The following DNAH8 variants were observed in gnomAD, a reference collection of about 807,000 sequenced individuals.
The protein encoded by DNAH8 is axonemal beta dynein heavy chain 8.
A neutral mutation model predicts 562.1 loss-of-function variants in DNAH8; 382 were observed. That is an observed-to-expected ratio of 0.68 (90% CI 0.63 to 0.74). DNAH8 has a LOEUF of 0.74. Among genes scored for constraint, DNAH8 ranks in the 30% least tolerant of loss-of-function variants. The probability of loss-of-function intolerance (pLI) is 0.00; values close to 1 mark genes in which losing one functional copy is unlikely to be tolerated. For missense variants in DNAH8, 5,203 were observed against 5,620.4 expected (o/e 0.93, Z 2.37); for synonymous variants, 1,881 against 1,919.4 (o/e 0.98, Z 0.52).
chr6:38,801,995 A>T lies in DNAH8; in HGVS notation c.2902-1184A>T, dbSNP rs113376913. Among the ~76,000 whole-genome samples the T allele has an allele frequency of 3.8e-3, 583 of 151,896 alleles. 9 individuals carry two copies. Among genetic ancestry groups the T allele is most frequent in the African/African-American group, 0.014 (564 of 41,410 alleles). On this transcript the variant is annotated intron_variant, in intron 21 of 92. Coordinates refer to ENST00000327475, the MANE Select transcript of DNAH8 (RefSeq NM_001206927.2). ...GTCTTGCTCTGTTGCCCAGGCTGGA[A>T]TGCAGTGAACATGGCTCACTGCTGC...
rs1429676196 is a variant in DNAH8, at chr6:38,745,561, CA to C, written c.1293+3678del. 5.3e-5 allele frequency among the ~76,000 whole-genome samples: 8 copies of C among 152,254 alleles called. No individual in the cohort carries two copies. In the East Asian group the frequency reaches 1.4e-3, roughly 26 times the overall value. On this transcript the variant is annotated intron_variant, in intron 8 of 92. Coordinates refer to ENST00000327475, the MANE Select transcript of DNAH8 (RefSeq NM_001206927.2). ...CATCTTAAAACTATTGTACAATGAT[CA>C]AAATGAAGGGGTAACATTAGTACGA...
intron 76 of DNAH8, among the ~76,000 whole-genome samples, chr6:38,933,980 T>C (rs1352186447): frequency 6.6e-6 from 1 of 152,148 alleles, no homozygotes; most frequent in African/African-American, 2.4e-5. Context: ...CAAAAATGAA[T>C]AGGAAAGCTT....
chr6:38,909,393 C>G lies in DNAH8; in HGVS notation c.9514-125C>G. 3.9e-6 allele frequency: 3 copies of G among 776,878 alleles called. No individual in the cohort carries two copies. In the South Asian group the frequency reaches 5.2e-5, roughly 14 times the overall value. The allele number at this position is 776,878 out of a possible 1,614,324, so 48.1% of individuals were successfully genotyped here. A position where few individuals can be genotyped will look rare whatever the true frequency, so the allele number is the denominator to read the frequency against. ...ACAACATTAAATTTATATATGACTGCAGCCCAAGAAGATTCATTTTCAAAT... is the reference window on the plus strand; with the variant it reads ...ACAACATTAAATTTATATATGACTGGAGCCCAAGAAGATTCATTTTCAAAT... On this transcript the variant is annotated intron_variant, in intron 64 of 92. Transcript: ENST00000327475.
chr6:38,826,074 A>C (rs1773292731), intron 28 of DNAH8, 82 bp from the exon 29 acceptor site: 7 of 895,564 alleles, frequency 7.8e-6, no homozygotes, highest in South Asian at 3.7e-5. Flanking sequence ...TGACTACTGA[A>C]TTGGACAGAG....
chr6:38,826,560 CA>C (rs1773339660), intron 29 of DNAH8, among the ~76,000 whole-genome samples, 169 bp downstream of exon 29: 1 of 152,086 alleles, frequency 6.6e-6, no homozygotes, highest in African/African-American at 2.4e-5. Flanking sequence ...CAATTATCAA[CA>C]GTGAACAGTA....
At chr6:38,960,129 G>A (rs1374210992) in intron 82 of DNAH8, among the ~76,000 whole-genome samples, 3 of 152,022 alleles carry the variant, frequency 2.0e-5, no homozygotes, top group African/African-American at 7.2e-5. Flanking sequence ...GTGGATTAAA[G>A]ACTGAAATGT....
chr6:38,823,683 A>C lies in DNAH8; in HGVS notation c.3842A>C (p.His1281Pro). ...PIIVVGALEL[H>P]TEPMKLALSI... ...ATTGTTGTAGGAGCACTTGAATTAC[A>C]TACAGGTATTTTAAAAATGTTTATT... is the stretch of plus-strand genomic sequence containing the variant. The change falls in exon 28 of 93, where the codon CAT becomes CCT. Residue 1281 changes from histidine (H) to proline (P), a missense_variant. By Grantham distance (77) the His-to-Pro change is moderately conservative (BLOSUM62 -2). Coordinates refer to ENST00000327475, the MANE Select transcript of DNAH8 (RefSeq NM_001206927.2). The C allele has an allele frequency of 6.3e-7, 1 of 1,591,348 alleles. No individual in the cohort carries two copies. The highest frequency in any genetic ancestry group is 1.3e-5 in the African/African-American group (1 of 74,170).
intron 38 of DNAH8, among the ~76,000 whole-genome samples, chr6:38,851,269 C>G (rs1318654248): frequency 1.3e-5 from 2 of 152,090 alleles, no homozygotes; most frequent in Non-Finnish European, 2.9e-5. Flanking sequence ...TTTGTGCTCC[C>G]CCTGGGTTTA....
chr6:38,786,645 C>G, intron 17 of DNAH8, 120 bp from the exon 18 acceptor site: 1 of 1,000,180 alleles, frequency 1.0e-6, no homozygotes, highest in Non-Finnish European at 1.4e-6. Flanking sequence ...CTGGGGCATC[C>G]AAAACATTTC....
rs1351798862 is a variant in DNAH8, at chr6:38,793,694, ATTAAC to A, written c.2901+2024_2901+2028del. On this transcript the variant is annotated intron_variant, in intron 21 of 92. Transcript: ENST00000327475. ...ACTCCCTGCCCTCTTTTTAAAATTT[ATTAAC>A]TTATCTATTTCTAGATGTTATTTTA... 3.3e-5 allele frequency among the ~76,000 whole-genome samples: 5 copies of A among 152,224 alleles called. 1 individual carries two copies. The highest frequency in any genetic ancestry group is 2.6e-4 in the Admixed American group (4 of 15,292).
intron 88 of DNAH8, among the ~76,000 whole-genome samples, chr6:38,999,983 T>C (rs184262945): frequency 1.3e-5 from 2 of 151,170 alleles, no homozygotes; most frequent in African/African-American, 4.9e-5. Flanking sequence ...AAAAAAACAA[T>C]AATAACAATA....
Position 38,873,157 on chromosome 6 carries a change from A to T in DNAH8, c.7479+10A>T, listed in dbSNP as rs768094269. 1.9e-6 allele frequency: 3 copies of T among 1,613,190 alleles called. No homozygotes were observed. Among genetic ancestry groups the T allele is most frequent in the African/African-American group, 2.7e-5 (2 of 74,910 alleles). ...GAGGCCAATCTTACAGGTGGGGCAG[A>T]GAGATGGGAAGAAGAACCCTCAGAG... On this transcript the variant is annotated intron_variant, in intron 51 of 92. Transcript: ENST00000327475.
intron 48 of DNAH8, among the ~76,000 whole-genome samples, chr6:38,869,646 G>C (rs1020121356): frequency 6.6e-6 from 1 of 152,186 alleles, no homozygotes; most frequent in Non-Finnish European, 1.5e-5. Context: ...GACTTTTGCA[G>C]CCATTGTTGG....
At chr6:38,826,097 C>A in intron 28 of DNAH8, 59 bp from the exon 29 acceptor site, 2 of 1,150,346 alleles carry the variant, frequency 1.7e-6, no homozygotes, top group Non-Finnish European at 2.5e-6. Flanking sequence ...ATTATAGATG[C>A]CCTTATAGTT....
Position 38,962,358 on chromosome 6 carries a change from G to C in DNAH8, c.12452-9234G>C, listed in dbSNP as rs1762660736. ...GAAAGCTTGAAATGGAAAAAAATAA[G>C]AATAATGGGGAACCAGCACCACCAG... is the stretch of plus-strand genomic sequence containing the variant. On this transcript the variant is annotated intron_variant, in intron 82 of 92. Coordinates refer to ENST00000327475, the MANE Select transcript of DNAH8 (RefSeq NM_001206927.2). Among the ~76,000 whole-genome samples the C allele has an allele frequency of 2.0e-5, 3 of 152,012 alleles. No individual in the cohort carries two copies. In the South Asian group the frequency reaches 6.2e-4, roughly 31 times the overall value.
Position 38,896,066 on chromosome 6 carries a change from T to C in DNAH8, c.8781T>C (p.Asn2927=). 6.2e-7 allele frequency: 1 copy of C among 1,614,006 alleles called. No homozygotes were observed. The highest frequency in any genetic ancestry group is 8.5e-7 in the Non-Finnish European group (1 of 1,179,964). Residue 2927 remains asparagine, a synonymous_variant, in exon 60 of 93, where the codon AAT becomes AAC. Coordinates refer to ENST00000327475, the MANE Select transcript of DNAH8 (RefSeq NM_001206927.2). Reference sequence around the variant, plus strand: ...CTCCTGAAGATGAGCAGTGGTTTAATGCACATCTTACTCGTGCAGTTGAAG... The same window carrying C: ...CTCCTGAAGATGAGCAGTGGTTTAACGCACATCTTACTCGTGCAGTTGAAG... ...FITPEDEQWF[N]AHLTRAVEEN... is the part of the protein sequence containing the mutation.
intron 91 of DNAH8, among the ~76,000 whole-genome samples, chr6:39,018,717 T>C (rs1328620874): frequency 6.6e-6 from 1 of 152,180 alleles, no homozygotes; most frequent in Non-Finnish European, 1.5e-5. Context: ...AATGGGCTCC[T>C]CATGTCAAAC....
At chr6:38,765,800 G>C (rs1766926039) in intron 11 of DNAH8, among the ~76,000 whole-genome samples, 1 of 152,186 alleles carries the variant, frequency 6.6e-6, no homozygotes, top group Admixed American at 6.5e-5. Context: ...ACACTTGTTA[G>C]AATGCCTACT....
chr6:38,945,372 T>C lies in DNAH8; in HGVS notation c.12008-95T>C, dbSNP rs754801255. The C allele has an allele frequency of 5.4e-6, 7 of 1,298,546 alleles. No individual in the cohort carries two copies. The Admixed American group carries it at 1.1e-4, about 19-fold the overall frequency. The allele number at this position is 1,298,546 out of a possible 1,614,324, so 80.4% of individuals were successfully genotyped here. On this transcript the variant is annotated intron_variant, in intron 79 of 92. Transcript: ENST00000327475. ...TTTTCCAATTTTCCTATATTTTCAG[T>C]AATGTGGCTATTTTGCTTTTATTAT...
Sources: allele counts gnomAD v4.1 joint callset (sites outside exome capture counted in the v4.1 genomes callset), GRCh38; gene constraint gnomAD v4.1.1; transcripts MANE v1.5; gene names NCBI Gene and HGNC (gene_info 2026-07-23, HGNC 2026-07-21).